NRBP2: variants seen among roughly 807,000 people sequenced by gnomAD.
NRBP2 encodes nuclear receptor-binding protein 2.
NRBP2 carries 47 observed loss-of-function variants against 74.4 expected under a neutral mutation model. The ratio of observed to expected loss-of-function variants is 0.63; its 90% CI spans 0.50 to 0.81. The LOEUF is 0.81. Ranked by LOEUF, NRBP2 falls within the 30% of genes least tolerant of loss-of-function variation. The pLI is 0.00. For missense variants in NRBP2, 613 were observed against 690.1 expected (o/e 0.89, Z 1.25); for synonymous variants, 312 against 273.8 (o/e 1.14, Z -1.38).
chr8:143,837,285 G>A lies in NRBP2; in HGVS notation c.1091C>T (p.Ser364Phe), dbSNP rs782029693. 5 of 1,611,444 alleles carry A rather than the reference G, an allele frequency of 3.1e-6. No individual in the cohort carries two copies. In the South Asian group the frequency reaches 3.3e-5, roughly 11 times the overall value. ...PPLQWRYSEV[S>F]FMELDKFLED... ...CAGGAATTTGTCCAGCTCCATGAAG[G>A]AGACTTCCGAGTACCTGGCATGGAA... Residue 364 changes from serine to phenylalanine, a missense_variant, in exon 13 of 18, where the codon TCC becomes TTC. Ser to Phe is a radical substitution (Grantham distance 155, BLOSUM62 -2). Around this residue, in one of 2 missense-constraint regions of NRBP2, gnomAD observed 281 missense variants for 260.9 expected, o/e 1.08. Transcript: ENST00000442628. This position sits in a 1 kb window ranked among gnomAD's most constrained non-coding sequence, Gnocchi z 4.3.
In NRBP2 at chr8:143,840,186, G is replaced by GC; in HGVS notation, c.172dup (p.Ala58GlyfsTer57). On this transcript the variant is annotated frameshift_variant, in exon 2 of 18. Transcript: ENST00000442628. LOFTEE classifies it high-confidence loss of function. The surrounding 1 kb of genome is among the most constrained non-coding windows in gnomAD (Gnocchi z 5.7). ...CTCTACCCCCTCCTCCGTGTCCATG[G>GC]CTAGGAAGGTGCTCTGAAGCCCTGG... 1 of 1,536,154 alleles carries GC rather than the reference G, an allele frequency of 6.5e-7. No homozygotes were observed. Among genetic ancestry groups the GC allele is most frequent in the South Asian group, 1.2e-5 (1 of 84,070 alleles).
At chr8:143,830,009 C>G (rs1200894219), downstream of NRBP2, 1 of 152,314 alleles carries the variant, frequency 6.6e-6, no homozygotes, top group Non-Finnish European at 1.5e-5. Context: ...TCCCGAGACC[C>G]CAACTCGGTC....
Position 143,834,062 on chromosome 8 carries a change from G to C in NRBP2, c.*1600C>G, listed in dbSNP as rs1818259205. Reference sequence around the variant, plus strand: ...AGAATGCCACCCTTCCCCAACAAAAGAGGTTCATTCCTTAATCCCTGGAAC... The same window carrying C: ...AGAATGCCACCCTTCCCCAACAAAACAGGTTCATTCCTTAATCCCTGGAAC... On this transcript the variant is annotated 3_prime_UTR_variant, in exon 18 of 18. Transcript: ENST00000442628. The C allele has an allele frequency of 6.6e-6, 1 of 152,248 alleles. No individual in the cohort carries two copies. Among genetic ancestry groups the C allele is most frequent in the Admixed American group, 6.5e-5 (1 of 15,284 alleles). 9.4% of individuals were successfully genotyped at this position (152,248 alleles called of 1,614,324 possible). A position where few individuals can be genotyped will look rare whatever the true frequency, so the allele number is the denominator to read the frequency against.
Position 143,836,159 on chromosome 8 carries a change from G to A in NRBP2, c.1285C>T (p.Leu429=). The A allele has an allele frequency of 2.5e-6, 4 of 1,587,072 alleles. No individual in the cohort carries two copies. Among genetic ancestry groups the A allele is most frequent in the Non-Finnish European group, 3.4e-6 (4 of 1,170,904 alleles). Residue 429 remains leucine, a synonymous_variant, in exon 15 of 18, where the codon CTG becomes TTG. Transcript: ENST00000442628. ...TRKVIQMQCN[L]ERSEDKARWH... is the part of the protein sequence containing the mutation. ...CGCGCCTTGTCCTCGCTTCTCTCCAGGTTGCACTGCATCTGGATGACCTGC... is the reference window on the plus strand; with the variant it reads ...CGCGCCTTGTCCTCGCTTCTCTCCAAGTTGCACTGCATCTGGATGACCTGC...
chr8:143,831,055 G>C (rs976419159), downstream of NRBP2, among the ~76,000 whole-genome samples: 1 of 152,176 alleles, frequency 6.6e-6, no homozygotes, highest in Non-Finnish European at 1.5e-5. Flanking sequence ...GATGGGAGGT[G>C]GGGGGCTGGT....
At position 143,837,102 on chromosome 8, in the gene NRBP2, G is replaced by A. The variant is rs782524931; in HGVS notation, c.1200C>T (p.Pro400=). The part of the protein sequence containing the change: ...PLGLPRVLAP[P]PEEVQKAKTP... ...TCTTGGCCTTTTGGACCTCCTCCGG[G>A]GGTGGGGCCAGCACACGGGGCAGCC... Residue 400 remains proline (P), a synonymous_variant, in exon 14 of 18, where the codon CCC becomes CCT. Transcript: ENST00000442628. This position sits in a 1 kb window ranked among gnomAD's most constrained non-coding sequence, Gnocchi z 4.3. 1 of 1,612,406 alleles carries A rather than the reference G, an allele frequency of 6.2e-7. No individual in the cohort carries two copies.
downstream of NRBP2, among the ~76,000 whole-genome samples, chr8:143,830,689 C>T (rs1287407910): frequency 6.6e-6 from 1 of 152,212 alleles, no homozygotes; most frequent in African/African-American, 2.4e-5. Flanking sequence ...CCACTAAAAG[C>T]ATCTCACTCT....
At chr8:143,836,963 GAGA>G in intron 14 of NRBP2, 73 bp downstream of exon 14, 7 of 1,521,372 alleles carry the variant, frequency 4.6e-6, no homozygotes, top group East Asian at 2.3e-5. Flanking sequence ...CAGGCCCTAA[GAGA>G]AGGAGGGGCA....
chr8:143,831,957 C>CTGTT (rs1554650359), downstream of NRBP2, among the ~76,000 whole-genome samples: 2 of 152,174 alleles, frequency 1.3e-5, no homozygotes, highest in Non-Finnish European at 2.9e-5. Flanking sequence ...GCTAGTCGCA[C>CTGTT]TGTTAAGCAT....
At position 143,839,104 on chromosome 8, in the gene NRBP2, TG is replaced by T. The variant is rs1166751929; in HGVS notation, c.605-5del. On this transcript the variant is annotated splice_region_variant and splice_polypyrimidine_tract_variant and intron_variant, in intron 7 of 17. Coordinates refer to ENST00000442628, the MANE Select transcript of NRBP2 (RefSeq NM_178564.4). The surrounding 1 kb of genome is among the most constrained non-coding windows in gnomAD (Gnocchi z 5.1). Reference sequence around the variant, plus strand: ...CTTCGGAGATCATCTGGAAGTGCTGTGGGAGGGCGCAGAGCTGAGCGGGCGG... The same window carrying T: ...CTTCGGAGATCATCTGGAAGTGCTGTGGAGGGCGCAGAGCTGAGCGGGCGG... 2.0e-6 allele frequency: 3 copies of T among 1,521,284 alleles called. No homozygotes were observed. Among genetic ancestry groups the T allele is most frequent in the African/African-American group, 2.7e-5 (2 of 72,770 alleles). The allele number at this position is 1,521,284 out of a possible 1,614,324, so 94.2% of individuals were successfully genotyped here. A position where few individuals can be genotyped will look rare whatever the true frequency, so the allele number is the denominator to read the frequency against.
chr8:143,830,279 C>G (rs1358219495), downstream of NRBP2, among the ~76,000 whole-genome samples: 1 of 152,270 alleles, frequency 6.6e-6, no homozygotes, highest in Non-Finnish European at 1.5e-5. Flanking sequence ...GAGAGCTACT[C>G]CAGCCCACTT....
At position 143,839,419 on chromosome 8, in the gene NRBP2, T is replaced by C. The variant is rs1818589322; in HGVS notation, c.486-11A>G. The C allele has an allele frequency of 1.3e-6, 2 of 1,553,978 alleles. No individual in the cohort carries two copies. The highest frequency in any genetic ancestry group is 8.6e-7 in the Non-Finnish European group (1 of 1,158,100). On this transcript the variant is annotated splice_polypyrimidine_tract_variant and intron_variant, in intron 5 of 17. Coordinates refer to ENST00000442628, the MANE Select transcript of NRBP2 (RefSeq NM_178564.4). The surrounding 1 kb of genome is among the most constrained non-coding windows in gnomAD (Gnocchi z 5.1). ...CAGGCGTGCAGGAAGCTGCAGACGT[T>C]GGGGAGGGGAGAGTAGGAGGAGCCG...
rs1404171582 is a variant in NRBP2 at position 143,840,937 on chromosome 8, C to T, written c.-103G>A. On this transcript the variant is annotated 5_prime_UTR_variant, in exon 1 of 18. Transcript: ENST00000442628. The surrounding 1 kb of genome is among the most constrained non-coding windows in gnomAD (Gnocchi z 5.7). ...GCCCAGCAGCCCAGCCTAGAGCCGC[C>T]GCGGCAGCCTAGAGCCCCAGCCCCG... The T allele has an allele frequency of 1.7e-6, 2 of 1,166,462 alleles. No homozygotes were observed. The highest frequency in any genetic ancestry group is 1.6e-5 in the African/African-American group (1 of 61,608). The allele number at this position is 1,166,462 out of a possible 1,614,324, so 72.3% of individuals were successfully genotyped here.
Position 143,840,398 on chromosome 8 carries a change from T to C in NRBP2, c.130-169A>G. ...GTAGCTGCCCCCAGGAGCCAAGGGCTCCTATCCAAGGGCTGGGCTAAGGGG... is the reference window on the plus strand; with the variant it reads ...GTAGCTGCCCCCAGGAGCCAAGGGCCCCTATCCAAGGGCTGGGCTAAGGGG... On this transcript the variant is annotated intron_variant, in intron 1 of 17. Coordinates refer to ENST00000442628, the MANE Select transcript of NRBP2 (RefSeq NM_178564.4). The surrounding 1 kb of genome is among the most constrained non-coding windows in gnomAD (Gnocchi z 5.7). 1.1e-6 allele frequency: 1 copy of C among 921,458 alleles called. No individual in the cohort carries two copies. Among genetic ancestry groups the C allele is most frequent in the South Asian group, 1.7e-5 (1 of 57,214 alleles). The allele number at this position is 921,458 out of a possible 1,614,324, so 57.1% of individuals were successfully genotyped here.
At position 143,839,071 on chromosome 8, in the gene NRBP2, G is replaced by A. The variant is rs980941194; in HGVS notation, c.634C>T (p.Arg212Cys). The change falls in exon 8 of 18, where the codon CGC (arginine) becomes TGC (cysteine). Residue 212 changes from arginine to cysteine, a missense_variant. Arg to Cys is a radical substitution (Grantham distance 180). Coordinates refer to ENST00000442628, the MANE Select transcript of NRBP2 (RefSeq NM_178564.4). This position sits in a 1 kb window ranked among gnomAD's most constrained non-coding sequence, Gnocchi z 5.1. Reference sequence around the variant, plus strand: ...TTCCGAAGTTCCTCTCGCTCAGCGCGGATGGGGCTTCGGAGATCATCTGGA... The same window carrying A: ...TTCCGAAGTTCCTCTCGCTCAGCGCAGATGGGGCTTCGGAGATCATCTGGA... ...ALPDDLRSPI[R>C]AEREELRNLH... 88 of 1,532,142 alleles carry A rather than the reference G, an allele frequency of 5.7e-5. No homozygotes were observed. Among genetic ancestry groups the A allele is most frequent in the Middle Eastern group, 3.3e-4 (2 of 5,996 alleles). The allele number at this position is 1,532,142 out of a possible 1,614,324, so 94.9% of individuals were successfully genotyped here.
chr8:143,830,905 C>T (rs1318867249), downstream of NRBP2, among the ~76,000 whole-genome samples: 4 of 152,196 alleles, frequency 2.6e-5, no homozygotes, highest in African/African-American at 9.6e-5. Context: ...GGAAAGTGAG[C>T]AATTCAATAG....
Position 143,835,203 on chromosome 8 carries a change from T to G in NRBP2, c.*459A>C. 5.3e-6 allele frequency: 1 copy of G among 189,122 alleles called. No homozygotes were observed. Among genetic ancestry groups the G allele is most frequent in the Non-Finnish European group, 1.1e-5 (1 of 90,934 alleles). The allele number at this position is 189,122 out of a possible 1,614,324, so 11.7% of individuals were successfully genotyped here. ...CCGCTGGCTTGCTGTGCAGGCTCCT[T>G]GTGTGGGTCTATGGTGCCAGCAGGG... On this transcript the variant is annotated 3_prime_UTR_variant, in exon 18 of 18. Coordinates refer to ENST00000442628, the MANE Select transcript of NRBP2 (RefSeq NM_178564.4). The surrounding 1 kb of genome is among the most constrained non-coding windows in gnomAD (Gnocchi z 4.9).
downstream of NRBP2, among the ~76,000 whole-genome samples, chr8:143,830,963 G>A (rs1818139601): frequency 1.3e-5 from 2 of 152,206 alleles, no homozygotes; most frequent in South Asian, 4.1e-4. Context: ...GAACCAGATA[G>A]CTGGAAAACA....
chr8:143,834,345 T>G lies in NRBP2; in HGVS notation c.*1317A>C, dbSNP rs1428812569. ...CTCTACAAGCTGGAAGTGGCCTTAG[T>G]TTACAGTCAGCAAGAAAGTGGGGAC... On this transcript the variant is annotated 3_prime_UTR_variant, in exon 18 of 18. Coordinates refer to ENST00000442628, the MANE Select transcript of NRBP2 (RefSeq NM_178564.4). The G allele has an allele frequency of 6.6e-6, 1 of 152,152 alleles. No homozygotes were observed. Among genetic ancestry groups the G allele is most frequent in the Non-Finnish European group, 1.5e-5 (1 of 68,020 alleles). 9.4% of individuals were successfully genotyped at this position (152,152 alleles called of 1,614,324 possible). A position where few individuals can be genotyped will look rare whatever the true frequency, so the allele number is the denominator to read the frequency against.
Sources: gnomAD v4.1 joint callset for allele counts (sites outside exome capture counted in the v4.1 genomes callset) on GRCh38, gnomAD v4.1.1 for gene constraint, gnomAD v4.1.1 regional missense constraint, Gnocchi (gnomAD v3.1) non-coding constraint, MANE v1.5 for transcripts, NCBI Gene and HGNC (gene_info 2026-07-23, HGNC 2026-07-21) for gene names.